The following KCNJ6 variants were observed in gnomAD, a reference collection of about 807,000 sequenced individuals.
KCNJ6 encodes the protein potassium inwardly rectifying channel subfamily J member 6.
Under a neutral mutation model 34.2 loss-of-function variants are expected in KCNJ6, and 9 were observed. The ratio of observed to expected loss-of-function variants is 0.26; its 90% CI spans 0.16 to 0.46. The LOEUF (loss-of-function observed/expected upper bound fraction) is 0.46, where lower values mean the gene tolerates loss of function less well. Ranked by LOEUF, KCNJ6 falls within the 20% of genes least tolerant of loss-of-function variation. The pLI, the probability that KCNJ6 is intolerant of heterozygous loss-of-function variation, is 1.00. For missense variants in KCNJ6, 236 were observed against 531.3 expected, an observed-to-expected ratio of 0.44 and a Z score of 5.46; for synonymous variants, 196 against 207.1, an observed-to-expected ratio of 0.95 and a Z score of 0.46.
intron 2 of KCNJ6, among the ~76,000 whole-genome samples, chr21:37,752,130 C>T (rs1209427250): frequency 3.3e-5 from 5 of 152,274 alleles, no homozygotes; most frequent in East Asian, 1.9e-4. Context: ...TTGGATCTGT[C>T]GTTCACCCAG....
chr21:37,645,616 C>T (rs191335285), intron 3 of KCNJ6, among the ~76,000 whole-genome samples: 4 of 151,470 alleles, frequency 2.6e-5, no homozygotes, highest in African/African-American at 9.7e-5. Flanking sequence ...GTGTTTGAAC[C>T]ATGTTTAATA....
intron 3 of KCNJ6, among the ~76,000 whole-genome samples, chr21:37,658,717 G>A (rs192373309): frequency 7.4e-4 from 112 of 152,298 alleles, no homozygotes; most frequent in African/African-American, 2.3e-3. Context: ...CTGGCTCACT[G>A]GGGTGGAAGG....
At chr21:37,849,183 T>A (rs546062234) in intron 1 of KCNJ6, among the ~76,000 whole-genome samples, 15 of 152,316 alleles carry the variant, frequency 9.8e-5, no homozygotes, top group African/African-American at 3.1e-4. Flanking sequence ...TACCTCTGCT[T>A]CCAAGATGCA....
rs144002425 is a variant in KCNJ6, at chr21:37,836,773, A to G, written c.25+3885T>C. Among the ~76,000 whole-genome samples, 1,447 of 152,278 alleles carry G rather than the reference A, an allele frequency of 9.5e-3. 19 individuals are homozygous for G. The highest frequency in any genetic ancestry group is 0.032 in the African/African-American group (1,327 of 41,538). On this transcript the variant is annotated intron_variant, in intron 2 of 3. Transcript: ENST00000609713. ...GGGCCAGAGGAGGGATAACATTAGG[A>G]GAAATACCTAATGTAGATGATGGGT...
At chr21:37,900,131 A>G (rs2055809397) in intron 1 of KCNJ6, among the ~76,000 whole-genome samples, 2 of 152,230 alleles carry the variant, frequency 1.3e-5, no homozygotes, top group African/African-American at 4.8e-5. Flanking sequence ...AAATGTAACA[A>G]AAGCTTTCAA....
rs542162033 is a variant in KCNJ6 at position 37,828,677 on chromosome 21, G to A, written c.25+11981C>T. Among the ~76,000 whole-genome samples, 374 of 152,324 alleles carry A rather than the reference G, an allele frequency of 2.5e-3. 4 individuals carry two copies. The highest frequency in any genetic ancestry group is 0.023 in the South Asian group (112 of 4,832). On this transcript the variant is annotated intron_variant, in intron 2 of 3. Transcript: ENST00000609713. ...GTGGCAGGCTGTCCTCCCCACCCTCGTAGCTGCGCTCTGCGGAGTTTCAGC... is the reference window on the plus strand; with the variant it reads ...GTGGCAGGCTGTCCTCCCCACCCTCATAGCTGCGCTCTGCGGAGTTTCAGC...
chr21:37,748,599 C>T (rs1303431118), intron 2 of KCNJ6, among the ~76,000 whole-genome samples: 1 of 152,118 alleles, frequency 6.6e-6, no homozygotes, highest in African/African-American at 2.4e-5. Flanking sequence ...AAGCAAAAGC[C>T]CCAGTCTTAG....
intron 1 of KCNJ6, among the ~76,000 whole-genome samples, chr21:37,845,280 A>C (rs1032143517): frequency 3.9e-5 from 6 of 152,272 alleles, no homozygotes; most frequent in African/African-American, 1.4e-4. Context: ...TGAAAAGAAA[A>C]TCAGAAAAGC....
chr21:37,683,691 G>A (rs1297362026), intron 3 of KCNJ6, among the ~76,000 whole-genome samples: 3 of 152,206 alleles, frequency 2.0e-5, no homozygotes, highest in African/African-American at 7.2e-5. Context: ...CAGGACAGAA[G>A]CCAACCCCAA....
At chr21:37,663,275 C>T (rs990086315) in intron 3 of KCNJ6, among the ~76,000 whole-genome samples, 17 of 151,612 alleles carry the variant, frequency 1.1e-4, no homozygotes, top group Non-Finnish European at 2.2e-4. Flanking sequence ...TTACAGTATG[C>T]TAGAAAAAAC....
chr21:37,863,848 T>TTTTTTTTTTTG (rs2055607246), intron 1 of KCNJ6, among the ~76,000 whole-genome samples: 1 of 83,670 alleles, frequency 1.2e-5, no homozygotes, highest in African/African-American at 5.2e-5. Flanking sequence ...ATATAAAGGT[T>TTTTTTTTTTTG]TTTTTTTTTT....
chr21:37,772,665 A>G (rs935643433), intron 2 of KCNJ6, among the ~76,000 whole-genome samples: 13 of 152,184 alleles, frequency 8.5e-5, no homozygotes, highest in Admixed American at 7.9e-4. Context: ...TGTATAGCCT[A>G]TATTTCTCTT....
intron 3 of KCNJ6, among the ~76,000 whole-genome samples, chr21:37,633,634 T>G (rs545976424): frequency 6.6e-6 from 1 of 152,288 alleles, no homozygotes; most frequent in East Asian, 1.9e-4. Context: ...TAAAAATCTA[T>G]GCAGAAAACT....
intron 3 of KCNJ6, among the ~76,000 whole-genome samples, chr21:37,664,184 T>C (rs973878995): frequency 5.9e-5 from 9 of 151,942 alleles, no homozygotes; most frequent in Non-Finnish European, 1.2e-4. Context: ...AAACTACATA[T>C]AAAAAGTTTT....
intron 1 of KCNJ6, among the ~76,000 whole-genome samples, chr21:37,876,853 AACCTGAGGCAAG>A (rs2055681175): frequency 6.6e-6 from 1 of 152,160 alleles, no homozygotes; most frequent in Non-Finnish European, 1.5e-5. Flanking sequence ...AGCAACATTA[AACCTGAGGCAAG>A]ACCTGAGGCA....
intron 3 of KCNJ6, among the ~76,000 whole-genome samples, chr21:37,664,253 G>C (rs2054503691): frequency 1.3e-5 from 2 of 151,818 alleles, no homozygotes; most frequent in Admixed American, 1.3e-4. Flanking sequence ...AAAGAAGAAA[G>C]AAAAATAATG....
Position 37,610,620 on chromosome 21 carries a change from A to AAAAAAAT in KCNJ6, c.*14538_*14539insATTTTTT, listed in dbSNP as rs34782067. 1 of 149,528 alleles carries AAAAAAAT rather than the reference A, an allele frequency of 6.7e-6. No homozygotes were observed. Among genetic ancestry groups the AAAAAAAT allele is most frequent in the Non-Finnish European group, 1.5e-5 (1 of 67,380 alleles). The allele number at this position is 149,528 out of a possible 1,614,324, so 9.3% of individuals were successfully genotyped here. On this transcript the variant is annotated 3_prime_UTR_variant, in exon 4 of 4. Coordinates refer to ENST00000609713, the MANE Select transcript of KCNJ6 (RefSeq NM_002240.5). The stretch of plus-strand genomic sequence containing the variant: ...TCTTAAAAAAAAAAAAAAAAAAAAA[A>AAAAAAAT]GGAATACAAGTCCTACAATGTTTGC...
chr21:37,691,784 G>T (rs1303074407), intron 3 of KCNJ6, among the ~76,000 whole-genome samples: 1 of 150,900 alleles, frequency 6.6e-6, no homozygotes, highest in East Asian at 1.9e-4. Context: ...GTGCTCACAG[G>T]AAAGCACAGC....
At chr21:37,769,641 G>C (rs2123502354) in intron 2 of KCNJ6, among the ~76,000 whole-genome samples, 1 of 151,850 alleles carries the variant, frequency 6.6e-6, no homozygotes, top group Non-Finnish European at 1.5e-5. Context: ...TTACGGAATT[G>C]ATTGGGAAGT....
Sources: allele counts gnomAD v4.1 joint callset (sites outside exome capture counted in the v4.1 genomes callset), GRCh38; gene constraint gnomAD v4.1.1; transcripts MANE v1.5; gene names NCBI Gene and HGNC (gene_info 2026-07-23, HGNC 2026-07-21).